BLTP1: variants seen among roughly 807,000 people sequenced by gnomAD.
BLTP1 encodes the protein fragile site-associated protein.
chr4:122,173,116 C>T, the BLTP1 span: 1 of 1,610,472 alleles, frequency 6.2e-7, no homozygotes, highest in Non-Finnish European at 8.5e-7. Flanking sequence ...AACACTAGTT[C>T]TTAACAGATT....
chr4:122,155,289 A>G, the BLTP1 span, among the ~76,000 whole-genome samples: 4 of 151,766 alleles, frequency 2.6e-5, no homozygotes, highest in East Asian at 1.9e-4. Context: ...AGGATTCTCT[A>G]TGAATGCTGC....
chr4:122,286,710 G>A, the BLTP1 span: 1 of 1,613,850 alleles, frequency 6.2e-7, no homozygotes, highest in Non-Finnish European at 8.5e-7. Flanking sequence ...ATTCGGATCA[G>A]GTGTGGAGTA....
the BLTP1 span, chr4:122,170,822 A>T: frequency 1.1e-6 from 1 of 921,988 alleles, no homozygotes; most frequent in East Asian, 2.9e-5. Context: ...ACAGTGGTTG[A>T]CTGAAGTTGG....
At chr4:122,231,692 A>G in the BLTP1 span, 6 of 971,466 alleles carry the variant, frequency 6.2e-6, no homozygotes, top group Non-Finnish European at 7.3e-6. Flanking sequence ...TCTTGTTAAC[A>G]TATAAAACTC....
chr4:122,234,649 G>T, the BLTP1 span: 3 of 1,111,034 alleles, frequency 2.7e-6, no homozygotes, highest in Admixed American at 5.9e-5. Context: ...TTGTGTTTGT[G>T]TTTACTTTGT....
the BLTP1 span, chr4:122,189,818 A>G: frequency 2.2e-6 from 2 of 915,102 alleles, no homozygotes; most frequent in Admixed American, 1.2e-4. Context: ...AACATGGAAC[A>G]ATTTCTTAGG....
the BLTP1 span, chr4:122,263,673 A>G: frequency 5.6e-6 from 5 of 896,220 alleles, no homozygotes; most frequent in Non-Finnish European, 6.8e-6. Context: ...TTTTCAGGGG[A>G]TGGGTTAAAA....
chr4:122,244,540 A>G, the BLTP1 span: 1 of 341,934 alleles, frequency 2.9e-6, no homozygotes, highest in Non-Finnish European at 4.1e-6. Context: ...ATATTACAAT[A>G]ATATAATATT....
At chr4:122,208,789 C>A in the BLTP1 span, 1 of 500,356 alleles carries the variant, frequency 2.0e-6, no homozygotes, top group Non-Finnish European at 2.6e-6. Context: ...CTCGTGTAAT[C>A]CCAGCACTTT....
chr4:122,179,378 T>G, the BLTP1 span, among the ~76,000 whole-genome samples: 1 of 152,212 alleles, frequency 6.6e-6, no homozygotes, highest in African/African-American at 2.4e-5. Context: ...TTCTCTTGTT[T>G]CTATTTAGTT....
the BLTP1 span, among the ~76,000 whole-genome samples, chr4:122,279,180 A>AT: frequency 6.6e-6 from 1 of 152,152 alleles, no homozygotes; most frequent in African/African-American, 2.4e-5. Context: ...CTCAACTTTG[A>AT]TTTTTTAGTC....
At chr4:122,348,601 A>G in the BLTP1 span, 1 of 1,607,870 alleles carries the variant, frequency 6.2e-7, no homozygotes, top group Non-Finnish European at 8.5e-7. Context: ...CTTTTAACAA[A>G]TCAAACAAAG....
chr4:122,345,943 AG>A, the BLTP1 span: 754 of 770,188 alleles, frequency 9.8e-4, 7 homozygotes, highest in African/African-American at 0.012. Flanking sequence ...TGACTGAAGG[AG>A]CAGTGAAGCC....
At chr4:122,344,731 A>G in the BLTP1 span, 3 of 1,268,084 alleles carry the variant, frequency 2.4e-6, no homozygotes, top group Non-Finnish European at 3.1e-6. Context: ...TCCAAGTAAT[A>G]AATGTTAGGA....
the BLTP1 span, chr4:122,229,210 T>C: frequency 1.9e-6 from 3 of 1,611,210 alleles, no homozygotes; most frequent in African/African-American, 2.7e-5. Context: ...ATATTTACAT[T>C]GTTGAGCATG....
At chr4:122,228,419 C>T in the BLTP1 span, among the ~76,000 whole-genome samples, 2 of 152,166 alleles carry the variant, frequency 1.3e-5, no homozygotes, top group East Asian at 1.9e-4. Context: ...CAGGCAACTA[C>T]TGATCTCCAT....
the BLTP1 span, among the ~76,000 whole-genome samples, chr4:122,260,879 G>T: frequency 6.6e-6 from 1 of 152,138 alleles, no homozygotes; most frequent in Non-Finnish European, 1.5e-5. Flanking sequence ...TGCATACTAT[G>T]AAATCTTTTA....
chr4:122,248,514 T>C, the BLTP1 span, among the ~76,000 whole-genome samples: 1 of 152,038 alleles, frequency 6.6e-6, no homozygotes, highest in Admixed American at 6.6e-5. Context: ...AGGTGTCTGG[T>C]TGTGGTGTTA....
the BLTP1 span, chr4:122,349,246 A>G: frequency 6.2e-7 from 1 of 1,613,646 alleles, no homozygotes; most frequent in Non-Finnish European, 8.5e-7. The surrounding 1 kb of genome is among the most constrained non-coding windows in gnomAD (Gnocchi z 4.5). Flanking sequence ...TGGTCTGGGA[A>G]GATCACAATT....
Sources: gnomAD v4.1 joint callset for allele counts (sites outside exome capture counted in the v4.1 genomes callset) on GRCh38, gnomAD v4.1.1 for gene constraint, Gnocchi (gnomAD v3.1) non-coding constraint, MANE v1.5 for transcripts, NCBI Gene and HGNC (gene_info 2026-07-23, HGNC 2026-07-21) for gene names.